DLEU7: variants seen among roughly 807,000 people sequenced by gnomAD.
DLEU7 encodes the protein leukemia-associated protein 7.
A neutral mutation model predicts 16.0 loss-of-function variants in DLEU7; 17 were observed. That is an observed-to-expected ratio of 1.06 (90% CI 0.73 to 1.59). DLEU7 has a LOEUF of 1.59. Among genes scored for constraint, DLEU7 ranks in the 40% most tolerant of loss-of-function variants. DLEU7 has a pLI of 0.00. For synonymous variants in DLEU7, 113 were observed against 139.8 expected (o/e 0.81, Z 1.35); for missense variants, 308 against 314.9 (o/e 0.98, Z 0.17).
intron 1 of DLEU7, among the ~76,000 whole-genome samples, chr13:50,797,960 G>A (rs1163175344): frequency 6.6e-6 from 1 of 152,142 alleles, no homozygotes; most frequent in Admixed American, 6.6e-5. Flanking sequence ...CACTGTTTTG[G>A]CTTAGGGAAA....
intron 1 of DLEU7, among the ~76,000 whole-genome samples, chr13:50,721,129 A>C (rs1158814481): frequency 1.3e-5 from 2 of 152,180 alleles, no homozygotes; most frequent in Non-Finnish European, 2.9e-5. Context: ...GGAGAAGCCG[A>C]CTTGCTGAGT....
chr13:50,713,212 C>A, exon 2 of DLEU7: 1 of 1,611,112 alleles, frequency 6.2e-7, no homozygotes, highest in Non-Finnish European at 8.5e-7. Flanking sequence ...CTACAGTGAC[C>A]TTCTTCACTC....
intron 1 of DLEU7, among the ~76,000 whole-genome samples, chr13:50,741,426 C>A (rs1457716684): frequency 6.6e-6 from 1 of 152,174 alleles, no homozygotes; most frequent in African/African-American, 2.4e-5. Context: ...AACTAAAAAT[C>A]TAAATCTCTT....
At chr13:50,777,315 C>G (rs1875531907) in intron 1 of DLEU7, among the ~76,000 whole-genome samples, 3 of 152,120 alleles carry the variant, frequency 2.0e-5, no homozygotes, top group African/African-American at 7.2e-5. Context: ...GCAGACCCAC[C>G]CTTAATCTGG....
intron 1 of DLEU7, among the ~76,000 whole-genome samples, chr13:50,787,718 C>T (rs540209397): frequency 2.6e-5 from 4 of 151,996 alleles, no homozygotes; most frequent in African/African-American, 9.7e-5. Context: ...GCCCTCCCCC[C>T]CACCTTTAAC....
At chr13:50,834,866 A>C (rs1877401382) in intron 1 of DLEU7, among the ~76,000 whole-genome samples, 1 of 152,234 alleles carries the variant, frequency 6.6e-6, no homozygotes, top group Non-Finnish European at 1.5e-5. Flanking sequence ...GCAGCCATAA[A>C]AAAGGATGAG....
chr13:50,784,982 A>C (rs913139357), intron 1 of DLEU7, among the ~76,000 whole-genome samples: 1 of 152,062 alleles, frequency 6.6e-6, no homozygotes, highest in Non-Finnish European at 1.5e-5. Context: ...TTGGGCTTTT[A>C]CTTGGGCTGC....
At chr13:50,747,834 C>T (rs1374846620) in intron 1 of DLEU7, among the ~76,000 whole-genome samples, 1 of 152,198 alleles carries the variant, frequency 6.6e-6, no homozygotes, top group African/African-American at 2.4e-5. Context: ...TTGAAGCAAA[C>T]ATGCTCTTTT....
chr13:50,775,736 C>A (rs905502880), intron 1 of DLEU7, among the ~76,000 whole-genome samples: 1 of 152,214 alleles, frequency 6.6e-6, no homozygotes, highest in Non-Finnish European at 1.5e-5. Context: ...AGGGTCAAAT[C>A]CCCACCAGTT....
chr13:50,820,620 G>A (rs937032396), downstream of DLEU7, among the ~76,000 whole-genome samples: 1 of 152,146 alleles, frequency 6.6e-6, no homozygotes, highest in Non-Finnish European at 1.5e-5. Flanking sequence ...AAGCTCATCA[G>A]CTGAGAATGA....
intron 1 of DLEU7, among the ~76,000 whole-genome samples, chr13:50,801,174 C>T (rs1876236261): frequency 6.6e-6 from 1 of 152,060 alleles, no homozygotes; most frequent in Non-Finnish European, 1.5e-5. Flanking sequence ...AATAAAGAGA[C>T]CAACATGCTC....
chr13:50,753,404 G>C lies in DLEU7; in HGVS notation c.460-40164C>G, dbSNP rs193115870. 7.8e-3 allele frequency among the ~76,000 whole-genome samples: 1,187 copies of C among 152,342 alleles called. 7 individuals are homozygous for C. Among genetic ancestry groups the C allele is most frequent in the African/African-American group, 0.026 (1,078 of 41,580 alleles). On this transcript the variant is annotated intron_variant, in intron 1 of 1. Coordinates refer to the DLEU7 transcript ENST00000400393. ...TCGGGCTGCACAGGAGCACACGGAGGGGGTGGGAGGCTCAGGCATGGCGGG... is the reference window on the plus strand; with the variant it reads ...TCGGGCTGCACAGGAGCACACGGAGCGGGTGGGAGGCTCAGGCATGGCGGG...
At chr13:50,810,186 A>G (rs1405825728) in intron 1 of DLEU7, among the ~76,000 whole-genome samples, 24 of 23,196 alleles carry the variant, frequency 1.0e-3, no homozygotes, top group Admixed American at 5.7e-3. Context: ...GAAATTCTGG[A>G]AAAAAAAAAA....
chr13:50,730,105 A>T lies in DLEU7; in HGVS notation c.460-16865T>A, dbSNP rs557219187. Among the ~76,000 whole-genome samples the T allele has an allele frequency of 4.6e-5, 7 of 152,266 alleles. No individual in the cohort carries two copies. The South Asian group carries it at 1.4e-3, about 32-fold the overall frequency. On this transcript the variant is annotated intron_variant, in intron 1 of 1. Transcript: ENST00000400393. ...ACTATTCATTAAGTGGAAGTGGATC[A>T]TCATAAAGGTCTTTATGCTTGTTGT...
intron 1 of DLEU7, among the ~76,000 whole-genome samples, chr13:50,772,061 G>A (rs9596352): frequency 0.016 from 2,407 of 152,226 alleles, 59 homozygotes; most frequent in African/African-American, 0.054. Flanking sequence ...TTTAAAGTCT[G>A]TTTTATCAGA....
chr13:50,745,069 G>C (rs564437486), intron 1 of DLEU7, among the ~76,000 whole-genome samples: 1 of 152,156 alleles, frequency 6.6e-6, no homozygotes, highest in African/African-American at 2.4e-5. Context: ...ACTCCTAGGT[G>C]TATACCCAAC....
At chr13:50,779,702 T>C (rs975378356) in intron 1 of DLEU7, among the ~76,000 whole-genome samples, 8 of 152,272 alleles carry the variant, frequency 5.3e-5, no homozygotes, top group African/African-American at 1.9e-4. Flanking sequence ...GTCATATGCC[T>C]GCATCCAGCC....
At chr13:50,840,691 C>T (rs140605378) in intron 1 of DLEU7, among the ~76,000 whole-genome samples, 17 of 151,434 alleles carry the variant, frequency 1.1e-4, no homozygotes, top group African/African-American at 3.4e-4. Context: ...AAAGAGGGGG[C>T]GGTAGAAAAT....
chr13:50,763,144 G>A lies in DLEU7; in HGVS notation c.460-49904C>T, dbSNP rs192898256. Among the ~76,000 whole-genome samples, 7 of 152,298 alleles carry A rather than the reference G, an allele frequency of 4.6e-5. No individual in the cohort carries two copies. The East Asian group carries it at 1.2e-3, about 25-fold the overall frequency. On this transcript the variant is annotated intron_variant, in intron 1 of 1. Transcript: ENST00000400393. ...AATGATGTGTGAGATGCAGAGGGGT[G>A]TGAGATCAAGCAGCAGCTCGGTACT...
Sources: allele counts gnomAD v4.1 joint callset (sites outside exome capture counted in the v4.1 genomes callset), GRCh38; gene constraint gnomAD v4.1.1; transcripts MANE v1.5; gene names NCBI Gene and HGNC (gene_info 2026-07-23, HGNC 2026-07-21).